TMEM234: variants seen among roughly 807,000 people sequenced by gnomAD.
The protein encoded by TMEM234 is chromosome 1 open reading frame 91.
Under a neutral mutation model 17.8 loss-of-function variants are expected in TMEM234, and 21 were observed. That is an observed-to-expected ratio of 1.18 (90% confidence interval 0.84 to 1.70). The LOEUF (loss-of-function observed/expected upper bound fraction) is 1.70, where lower values mean the gene tolerates loss of function less well. Ranked by LOEUF, TMEM234 falls within the 40% of genes most tolerant of loss-of-function variation. The probability of loss-of-function intolerance (pLI) is 0.00; values close to 1 mark genes in which losing one functional copy is unlikely to be tolerated. For missense variants in TMEM234, 137 were observed against 166.9 expected (o/e 0.82, Z 0.99); for synonymous variants, 83 against 73.5 (o/e 1.13, Z -0.66).
chr1:32,220,366 G>A (rs899981889), intron 3 of TMEM234, among the ~76,000 whole-genome samples: 9 of 152,064 alleles, frequency 5.9e-5, no homozygotes, highest in East Asian at 1.9e-4. Context: ...TAGTAGAGAC[G>A]GGGTTTCAGC....
rs1262215680 is a variant in TMEM234, at chr1:32,221,578, G to T, written c.168+289C>A. On this transcript the variant is annotated intron_variant, in intron 2 of 4. Transcript: ENST00000309777. ...ACAAATGTTGCCTTATGTAACTGAAGGAATCACAATAAAATGTGAATAATG... is the reference window on the plus strand; with the variant it reads ...ACAAATGTTGCCTTATGTAACTGAATGAATCACAATAAAATGTGAATAATG... Among the ~76,000 whole-genome samples, 4 of 152,116 alleles carry T rather than the reference G, an allele frequency of 2.6e-5. No individual in the cohort carries two copies. The East Asian group carries it at 7.7e-4, about 29-fold the overall frequency.
At chr1:32,217,607 C>A (rs1295864371) in intron 3 of TMEM234, 1 of 746,578 alleles carries the variant, frequency 1.3e-6, no homozygotes, top group Non-Finnish European at 2.3e-6. Flanking sequence ...GAGGTCTTTG[C>A]ACTCAAAGAG....
intron 4 of TMEM234, 24 bp downstream of exon 4, chr1:32,217,235 C>T (rs555838903): frequency 6.3e-5 from 102 of 1,614,192 alleles, no homozygotes; most frequent in African/African-American, 1.9e-4. Context: ...AGCTGCGTCC[C>T]GCACTCGCAG....
At chr1:32,214,673 G>A (rs762267329), downstream of TMEM234, 121 of 1,400,732 alleles carry the variant, frequency 8.6e-5, no homozygotes, top group Non-Finnish European at 1.1e-4. Flanking sequence ...ACTTTGTGAA[G>A]ACAGACGGTG....
intron 1 of TMEM234, 30 bp from the exon 2 acceptor site, chr1:32,222,048 C>G: frequency 1.3e-6 from 2 of 1,578,322 alleles, no homozygotes; most frequent in East Asian, 2.3e-5. Flanking sequence ...TCACCCTGAC[C>G]CCCACCCCAA....
At chr1:32,219,700 C>A (rs1638720721) in intron 3 of TMEM234, among the ~76,000 whole-genome samples, 1 of 152,134 alleles carries the variant, frequency 6.6e-6, no homozygotes, top group Admixed American at 6.5e-5. Flanking sequence ...GTTTACATAC[C>A]TTACAAGGAG....
At chr1:32,218,545 G>A (rs1638616655) in intron 3 of TMEM234, among the ~76,000 whole-genome samples, 1 of 151,870 alleles carries the variant, frequency 6.6e-6, no homozygotes, top group African/African-American at 2.4e-5. Flanking sequence ...GCTCATGCCT[G>A]TAATCCCAAC....
chr1:32,221,734 G>A, intron 2 of TMEM234, 133 bp downstream of exon 2: 6 of 1,232,382 alleles, frequency 4.9e-6, no homozygotes, highest in Non-Finnish European at 6.9e-6. Flanking sequence ...ATGAAACTGA[G>A]GCTCAAGGAC....
In TMEM234 at chr1:32,216,635, T is replaced by C. The variant is rs1638410408; in HGVS notation, c.*218A>G. The C allele has an allele frequency of 6.6e-7, 1 of 1,522,242 alleles. No homozygotes were observed. The highest frequency in any genetic ancestry group is 1.4e-5 in the African/African-American group (1 of 72,414). The allele number at this position is 1,522,242 out of a possible 1,614,324, so 94.3% of individuals were successfully genotyped here. The stretch of plus-strand genomic sequence containing the variant: ...GGTTGCTGAGGGTGAGCGTAGAGTC[T>C]CCTGTGCTAAATCCCCGCAGCTGAA... On this transcript the variant is annotated 3_prime_UTR_variant, in exon 5 of 5. Transcript: ENST00000309777.
At position 32,216,839 on chromosome 1, in the gene TMEM234, TG is replaced by T; in HGVS notation, c.*13del. The T allele has an allele frequency of 6.2e-7, 1 of 1,613,788 alleles. No homozygotes were observed. Among genetic ancestry groups the T allele is most frequent in the Non-Finnish European group, 8.5e-7 (1 of 1,179,932 alleles). On this transcript the variant is annotated 3_prime_UTR_variant, in exon 5 of 5. Transcript: ENST00000309777. ...TTCCTGGAGGCAGCAGAGCTGGAAG[TG>T]GGTTCGGCCCACTCAAAGGGTAGAC...
downstream of TMEM234, chr1:32,215,214 C>A: frequency 1.7e-6 from 1 of 585,078 alleles, no homozygotes; most frequent in Non-Finnish European, 2.9e-6. Flanking sequence ...TGAAAAGAAG[C>A]ACCTGGAAAG....
chr1:32,217,313 T>C lies in TMEM234; in HGVS notation c.274A>G (p.Ile92Val), dbSNP rs1287234463. ...TTCCCAACAATCAGTGTGAAGATGATAGCCAGAGAGTTACAGATGGGCACA... is the reference window on the plus strand; with the variant it reads ...TTCCCAACAATCAGTGTGAAGATGACAGCCAGAGAGTTACAGATGGGCACA... ...LAVPICNSLA[I>V]IFTLIVGKAL... is the part of the protein sequence containing the mutation. Residue 92 changes from isoleucine to valine, a missense_variant, in exon 4 of 5, where the codon ATC becomes GTC. Transcript: ENST00000309777. 1.2e-6 allele frequency: 2 copies of C among 1,613,492 alleles called. No individual in the cohort carries two copies. Among genetic ancestry groups the C allele is most frequent in the Non-Finnish European group, 1.7e-6 (2 of 1,179,606 alleles).
intron 2 of TMEM234, 94 bp from the exon 3 acceptor site, chr1:32,221,291 G>T: frequency 2.0e-6 from 2 of 993,600 alleles, no homozygotes; most frequent in East Asian, 2.5e-5. Context: ...CTTGGAGGGA[G>T]GCAGGGTTAT....
rs1638418859 is a variant in TMEM234 at position 32,216,728 on chromosome 1, T to C, written c.*125A>G. The stretch of plus-strand genomic sequence containing the variant: ...ATTGTGATCCATGAGGTAGCTGTTA[T>C]CCCCATAAGAGAGGAGGAAGCTAAG... On this transcript the variant is annotated 3_prime_UTR_variant, in exon 5 of 5. Coordinates refer to ENST00000309777, the MANE Select transcript of TMEM234 (RefSeq NM_019118.5). 2 of 1,508,664 alleles carry C rather than the reference T, an allele frequency of 1.3e-6. No homozygotes were observed. Among genetic ancestry groups the C allele is most frequent in the Non-Finnish European group, 1.8e-6 (2 of 1,124,384 alleles). The allele number at this position is 1,508,664 out of a possible 1,614,324, so 93.5% of individuals were successfully genotyped here.
intron 3 of TMEM234, among the ~76,000 whole-genome samples, chr1:32,218,310 C>T (rs1638596423): frequency 6.6e-6 from 1 of 151,606 alleles, no homozygotes; most frequent in Admixed American, 6.6e-5. Flanking sequence ...CCTGTAATCC[C>T]AGCTACTCAG....
Position 32,221,948 on chromosome 1 carries a change from G to A in TMEM234, c.87C>T (p.Ser29=), listed in dbSNP as rs772673660. 1.2e-5 allele frequency: 19 copies of A among 1,611,748 alleles called. 1 individual carries two copies. The African/African-American group carries it at 2.1e-4, about 18-fold the overall frequency. Residue 29 remains serine (S), a synonymous_variant, in exon 2 of 5, where the codon TCC becomes TCT. Transcript: ENST00000309777. The part of the protein sequence containing the change: ...GGTQPLLKRA[S]AGLQRVHEPT... The stretch of plus-strand genomic sequence containing the variant: ...GCTCATGAACCCGCTGCAGGCCGGC[G>A]GAGGCCCGCTTCAGCAGCGGCTGCG...
intron 3 of TMEM234, among the ~76,000 whole-genome samples, chr1:32,220,736 C>A (rs143094922): frequency 8.3e-4 from 126 of 152,240 alleles, no homozygotes; most frequent in African/African-American, 2.8e-3. Flanking sequence ...CTAGATGTTT[C>A]CCATTCATTA....
Position 32,216,889 on chromosome 1 carries a change from T to C in TMEM234, c.387A>G (p.Ser129=), listed in dbSNP as rs764752617. The C allele has an allele frequency of 3.7e-6, 6 of 1,614,122 alleles. No homozygotes were observed. Among genetic ancestry groups the C allele is most frequent in the Non-Finnish European group, 5.1e-6 (6 of 1,179,972 alleles). The part of the protein sequence containing the change: ...VIGISLCITS[S]VSKTQGQQST... ...ACTGTTGCCCCTGGGTCTTACTCAC[T>C]GAGCTTGTGATGCAGAGTGAAATTC... Residue 129 remains serine, a synonymous_variant, in exon 5 of 5, where the codon TCA becomes TCG. Coordinates refer to ENST00000309777, the MANE Select transcript of TMEM234 (RefSeq NM_019118.5).
Position 32,216,402 on chromosome 1 carries a change from C to T in TMEM234, c.*451G>A. The T allele has an allele frequency of 2.6e-6, 4 of 1,551,570 alleles. No individual in the cohort carries two copies. Among genetic ancestry groups the T allele is most frequent in the East Asian group, 2.4e-5 (1 of 40,904 alleles). ...GACGCACCTTCTTCCCTCGGTTCCA[C>T]CCCTCATTCAGCCAAAGCGCTCTGA... On this transcript the variant is annotated 3_prime_UTR_variant, in exon 5 of 5. Coordinates refer to ENST00000309777, the MANE Select transcript of TMEM234 (RefSeq NM_019118.5).
Sources: allele counts gnomAD v4.1 joint callset (sites outside exome capture counted in the v4.1 genomes callset), GRCh38; gene constraint gnomAD v4.1.1; transcripts MANE v1.5; gene names NCBI Gene and HGNC (gene_info 2026-07-23, HGNC 2026-07-21).